COL4A4: variants seen among roughly 807,000 people sequenced by gnomAD.
COL4A4 encodes collagen alpha-4(IV) chain.
Under a neutral mutation model 192.9 loss-of-function variants are expected in COL4A4, and 105 were observed. The ratio of observed to expected loss-of-function variants is 0.54; its 90% CI spans 0.46 to 0.64. COL4A4 has a LOEUF of 0.64. Among genes scored for constraint, COL4A4 ranks in the 30% least tolerant of loss-of-function variants. The pLI, the probability that COL4A4 is intolerant of heterozygous loss-of-function variation, is 0.00. For missense variants in COL4A4, 1,967 were observed against 2,169.3 expected (o/e 0.91, Z 1.85); for synonymous variants, 762 against 769.9 (o/e 0.99, Z 0.17).
rs146033855 is a variant in COL4A4 at position 227,070,875 on chromosome 2, T to TAATAAATAAATAAATA, written c.1987+7003_1987+7018dup. On this transcript the variant is annotated intron_variant, in intron 25 of 47. Coordinates refer to ENST00000396625, the MANE Select transcript of COL4A4 (RefSeq NM_000092.5). ...ATGTACCCTAAAACTTAAAGTATAATAATAAATAAATAAATAAATAAATAA... is the reference window on the plus strand; with the variant it reads ...ATGTACCCTAAAACTTAAAGTATAATAATAAATAAATAAATAAATAAATAAATAAATAAATAAATAA... Among the ~76,000 whole-genome samples, 61 of 149,834 alleles carry TAATAAATAAATAAATA rather than the reference T, an allele frequency of 4.1e-4. No individual in the cohort carries two copies. In the South Asian group the frequency reaches 9.9e-3, roughly 24 times the overall value.
At chr2:227,043,392 A>G (rs944804499) in intron 35 of COL4A4, among the ~76,000 whole-genome samples, 8 of 152,228 alleles carry the variant, frequency 5.3e-5, no homozygotes, top group Non-Finnish European at 1.2e-4. Context: ...ATGTACATAC[A>G]TGTACAGATA....
At chr2:226,987,806 C>T in the COL4A4 span, among the ~76,000 whole-genome samples, 2 of 152,164 alleles carry the variant, frequency 1.3e-5, no homozygotes, top group South Asian at 2.1e-4. Flanking sequence ...TCTGGGTGCT[C>T]GTTAAAATGA....
chr2:227,140,017 A>C, intron 4 of COL4A4, 144 bp downstream of exon 4: 1 of 719,436 alleles, frequency 1.4e-6, no homozygotes, highest in Non-Finnish European at 2.5e-6. Flanking sequence ...GATTGCTATT[A>C]GAATGTGAAA....
chr2:226,997,333 G>A, the COL4A4 span: 1 of 152,284 alleles, frequency 6.6e-6, no homozygotes, highest in Admixed American at 6.5e-5. Context: ...CCAATTAGAA[G>A]TAACTTCTTT....
chr2:227,137,806 T>C (rs1350585048), intron 4 of COL4A4, among the ~76,000 whole-genome samples: 1 of 152,186 alleles, frequency 6.6e-6, no homozygotes, highest in Non-Finnish European at 1.5e-5. Context: ...TTTATCTTGG[T>C]CCTGAAGCTC....
the COL4A4 span, among the ~76,000 whole-genome samples, chr2:226,985,776 G>A: frequency 1.3e-5 from 2 of 152,226 alleles, no homozygotes; most frequent in Admixed American, 1.3e-4. Context: ...GAGGGGTGCA[G>A]AACCCAGCAA....
chr2:227,001,255 C>T (rs531998769), downstream of COL4A4, among the ~76,000 whole-genome samples: 22 of 152,066 alleles, frequency 1.4e-4, no homozygotes, highest in East Asian at 2.3e-3. Flanking sequence ...CCACCTGGCC[C>T]AGCTAATTTT....
At chr2:227,114,353 A>G (rs1437456890) in intron 8 of COL4A4, among the ~76,000 whole-genome samples, 1 of 152,240 alleles carries the variant, frequency 6.6e-6, no homozygotes. Flanking sequence ...TATGTGGCCC[A>G]CAATGTCAGG....
the COL4A4 span, among the ~76,000 whole-genome samples, chr2:226,976,080 T>A: frequency 6.6e-6 from 1 of 151,592 alleles, no homozygotes; most frequent in East Asian, 1.9e-4. Flanking sequence ...CAGTATGGAT[T>A]GGAGCAGAGG....
chr2:227,020,880 C>CTTTT (rs57119611), intron 44 of COL4A4, among the ~76,000 whole-genome samples: 6 of 127,596 alleles, frequency 4.7e-5, no homozygotes, highest in African/African-American at 6.3e-5. Context: ...ACACTTTTTT[C>CTTTT]TTTTTTTTTT....
chr2:227,128,434 C>T lies in COL4A4; in HGVS notation c.193-7286G>A, dbSNP rs145567934. Among the ~76,000 whole-genome samples, 1,159 of 152,216 alleles carry T rather than the reference C, an allele frequency of 7.6e-3. 8 individuals are homozygous for T. Among genetic ancestry groups the T allele is most frequent in the Non-Finnish European group, 0.012 (816 of 68,016 alleles). On this transcript the variant is annotated intron_variant, in intron 4 of 47. Transcript: ENST00000396625. ...GGTTCTCAAATTTAACTTTCTGGTCCTATCCTATATCCCCAACTGTTTTCT... is the reference window on the plus strand; with the variant it reads ...GGTTCTCAAATTTAACTTTCTGGTCTTATCCTATATCCCCAACTGTTTTCT...
intron 3 of COL4A4, among the ~76,000 whole-genome samples, chr2:227,142,769 A>C (rs1310122262): frequency 6.6e-6 from 1 of 152,096 alleles, no homozygotes; most frequent in East Asian, 1.9e-4. Flanking sequence ...AAAAAAAAAA[A>C]AAAAGTTCAA....
At chr2:227,077,762 TA>T in intron 25 of COL4A4, 131 bp downstream of exon 25, 2 of 797,570 alleles carry the variant, frequency 2.5e-6, no homozygotes, top group Non-Finnish European at 3.9e-6. Context: ...ACACGTTAGG[TA>T]AAATGTACAC....
At position 227,003,383 on chromosome 2, in the gene COL4A4, A is replaced by G. The variant is rs1961433502; in HGVS notation, c.*3942T>C. The G allele has an allele frequency of 1.3e-5, 2 of 152,238 alleles. No homozygotes were observed. The highest frequency in any genetic ancestry group is 2.9e-5 in the Non-Finnish European group (2 of 68,038). The allele number at this position is 152,238 out of a possible 1,614,324, so 9.4% of individuals were successfully genotyped here. ...TATTAATGAGGGAAATGAAGCTAAGAAAGTTGGCAAAACTCACCCAGGATA... is the reference window on the plus strand; with the variant it reads ...TATTAATGAGGGAAATGAAGCTAAGGAAGTTGGCAAAACTCACCCAGGATA... On this transcript the variant is annotated 3_prime_UTR_variant, in exon 48 of 48. Transcript: ENST00000396625.
chr2:227,007,108 T>C lies in COL4A4; in HGVS notation c.*217A>G, dbSNP rs1461544934. 6 of 668,152 alleles carry C rather than the reference T, an allele frequency of 9.0e-6. No individual in the cohort carries two copies. In the East Asian group the frequency reaches 1.3e-4, roughly 14 times the overall value. 41.4% of individuals were successfully genotyped at this position (668,152 alleles called of 1,614,324 possible). A position where few individuals can be genotyped will look rare whatever the true frequency, so the allele number is the denominator to read the frequency against. On this transcript the variant is annotated 3_prime_UTR_variant, in exon 48 of 48. Transcript: ENST00000396625. ...TCATCCTCAGTAAAATAAGAGTATCTAGGCTCCCTAGATTGGGAGGTCCAA... is the reference window on the plus strand; with the variant it reads ...TCATCCTCAGTAAAATAAGAGTATCCAGGCTCCCTAGATTGGGAGGTCCAA...
At chr2:226,997,573 G>A in the COL4A4 span, 2 of 152,254 alleles carry the variant, frequency 1.3e-5, no homozygotes, top group Admixed American at 6.5e-5. Flanking sequence ...TTTCACCAAA[G>A]TATTTTTTCC....
At chr2:227,102,238 A>G (rs974461160) in intron 15 of COL4A4, among the ~76,000 whole-genome samples, 9 of 152,226 alleles carry the variant, frequency 5.9e-5, no homozygotes, top group Non-Finnish European at 1.2e-4. Context: ...TCTGCAATAT[A>G]ATTTGCCTGG....
chr2:227,053,169 T>C (rs189935865), intron 31 of COL4A4, among the ~76,000 whole-genome samples: 5 of 152,270 alleles, frequency 3.3e-5, no homozygotes, highest in Non-Finnish European at 5.9e-5. Flanking sequence ...GATAATTGTA[T>C]AGTAGCATAA....
chr2:227,041,854 G>GAA (rs1491412515), intron 37 of COL4A4, among the ~76,000 whole-genome samples: 3 of 99,322 alleles, frequency 3.0e-5, no homozygotes, highest in African/African-American at 4.4e-5. Context: ...GAAAGAGAAA[G>GAA]AAAGAAAGAA....
Sources: allele counts gnomAD v4.1 joint callset (sites outside exome capture counted in the v4.1 genomes callset), GRCh38; gene constraint gnomAD v4.1.1; transcripts MANE v1.5; gene names NCBI Gene and HGNC (gene_info 2026-07-23, HGNC 2026-07-21).